The following CDC42SE2 variants were observed in gnomAD, a reference collection of about 807,000 sequenced individuals.
CDC42SE2 encodes CDC42 small effector protein 2.
In CDC42SE2, 3 loss-of-function variants were observed where a neutral mutation model predicts 11.5. That is an observed-to-expected ratio of 0.26 (90% CI 0.12 to 0.67). The LOEUF (loss-of-function observed/expected upper bound fraction) is 0.67, where lower values mean the gene tolerates loss of function less well. Ranked by LOEUF, CDC42SE2 falls within the 30% of genes least tolerant of loss-of-function variation. The probability of loss-of-function intolerance (pLI) is 0.80; values close to 1 mark genes in which losing one functional copy is unlikely to be tolerated. For missense variants in CDC42SE2, 82 were observed against 106.8 expected (o/e 0.77, Z 1.02); for synonymous variants, 33 against 34.8 (o/e 0.95, Z 0.18).
chr5:131,339,734 C>T (rs1280237797), intron 2 of CDC42SE2, among the ~76,000 whole-genome samples: 1 of 150,858 alleles, frequency 6.6e-6, no homozygotes, highest in Non-Finnish European at 1.5e-5. Context: ...TGCTTGAACC[C>T]AGGAGGTGGA....
At chr5:131,308,959 C>G (rs1401386497) in intron 1 of CDC42SE2, among the ~76,000 whole-genome samples, 1 of 149,914 alleles carries the variant, frequency 6.7e-6, no homozygotes, top group Non-Finnish European at 1.5e-5. Context: ...CCTAATTGCC[C>G]TGGCCAGAAC....
chr5:131,211,700 T>A, the CDC42SE2 span, among the ~76,000 whole-genome samples: 1 of 152,142 alleles, frequency 6.6e-6, no homozygotes, highest in Non-Finnish European at 1.5e-5. Flanking sequence ...AAAATTAAAT[T>A]GCCTGGTGCA....
chr5:131,332,539 C>A (rs978105735), intron 2 of CDC42SE2, among the ~76,000 whole-genome samples: 1 of 152,040 alleles, frequency 6.6e-6, no homozygotes, highest in East Asian at 1.9e-4. Flanking sequence ...TGAGGAATTG[C>A]CACACCAACT....
upstream of CDC42SE2, among the ~76,000 whole-genome samples, chr5:131,261,875 AG>A (rs1335576459): frequency 6.6e-6 from 1 of 151,058 alleles, no homozygotes; most frequent in Non-Finnish European, 1.5e-5. Flanking sequence ...AAAAAAAAAA[AG>A]TGTCATTCAA....
At chr5:131,213,503 C>T in the CDC42SE2 span, among the ~76,000 whole-genome samples, 36 of 152,096 alleles carry the variant, frequency 2.4e-4, no homozygotes, top group Admixed American at 4.6e-4. Flanking sequence ...GGGTGGAGTG[C>T]AGTGGCACAG....
At chr5:131,241,316 T>C (rs1379562404), upstream of CDC42SE2, among the ~76,000 whole-genome samples, 1 of 152,206 alleles carries the variant, frequency 6.6e-6, no homozygotes, top group Non-Finnish European at 1.5e-5. Flanking sequence ...CTTGGTGCTT[T>C]CTTTATAAGC....
upstream of CDC42SE2, among the ~76,000 whole-genome samples, chr5:131,242,049 A>G (rs941359237): frequency 6.6e-6 from 1 of 152,156 alleles, no homozygotes; most frequent in African/African-American, 2.4e-5. Flanking sequence ...CATTTGCCCC[A>G]CCTAATGAAA....
chr5:131,298,033 T>C (rs568373556), intron 1 of CDC42SE2, among the ~76,000 whole-genome samples: 1 of 152,276 alleles, frequency 6.6e-6, no homozygotes, highest in South Asian at 2.1e-4. Context: ...AAATCTAATT[T>C]TTTAGGAAGT....
intron 2 of CDC42SE2, among the ~76,000 whole-genome samples, chr5:131,354,150 A>G (rs1331483883): frequency 6.6e-6 from 1 of 152,056 alleles, no homozygotes; most frequent in South Asian, 2.1e-4. Flanking sequence ...TAAGGGTAGG[A>G]TGGTTTGAGT....
chr5:131,273,159 T>G (rs1757028351), intron 1 of CDC42SE2, among the ~76,000 whole-genome samples: 1 of 101,978 alleles, frequency 9.8e-6, no homozygotes, highest in African/African-American at 1.2e-4. Context: ...TTTTTTATAA[T>G]TTTTTTTTTT....
rs1391516947 is a variant in CDC42SE2 at position 131,282,050 on chromosome 5, C to T, written c.-455+17884C>T. ...TCAGGAAACTAGAAACATGTATAACCCAGGTAGTGATCTTTCAGGGAAATT... is the reference window on the plus strand; with the variant it reads ...TCAGGAAACTAGAAACATGTATAACTCAGGTAGTGATCTTTCAGGGAAATT... On this transcript the variant is annotated intron_variant, in intron 1 of 4. Coordinates refer to ENST00000505065, the MANE Select transcript of CDC42SE2 (RefSeq NM_001375635.1). Among the ~76,000 whole-genome samples the T allele has an allele frequency of 3.3e-5, 5 of 152,134 alleles. No individual in the cohort carries two copies. In the East Asian group the frequency reaches 9.6e-4, roughly 29 times the overall value.
intron 1 of CDC42SE2, among the ~76,000 whole-genome samples, chr5:131,295,522 T>C (rs1388905105): frequency 1.3e-5 from 2 of 152,164 alleles, no homozygotes; most frequent in East Asian, 1.9e-4. Context: ...TCAGAATGTG[T>C]AGAGTATGCT....
intron 1 of CDC42SE2, among the ~76,000 whole-genome samples, chr5:131,274,642 A>C (rs1205542098): frequency 6.6e-6 from 1 of 152,184 alleles, no homozygotes. Flanking sequence ...TAAAAACCAG[A>C]ATACTTAATA....
chr5:131,299,957 A>G (rs1210092448), intron 1 of CDC42SE2, among the ~76,000 whole-genome samples: 1 of 152,164 alleles, frequency 6.6e-6, no homozygotes, highest in African/African-American at 2.4e-5. Context: ...TTTGATTCGA[A>G]GAGTAAAGTT....
intron 1 of CDC42SE2, among the ~76,000 whole-genome samples, chr5:131,251,221 A>G (rs1469942542): frequency 6.6e-6 from 1 of 152,234 alleles, no homozygotes; most frequent in Non-Finnish European, 1.5e-5. Context: ...TAGAACTGAA[A>G]TGCTTTTGTA....
At chr5:131,339,500 C>A (rs760050768) in intron 2 of CDC42SE2, among the ~76,000 whole-genome samples, 1 of 151,788 alleles carries the variant, frequency 6.6e-6, no homozygotes, top group Non-Finnish European at 1.5e-5. Context: ...CCAAATAGAA[C>A]TTATTAAAAT....
chr5:131,273,158 A>ATT (rs565779371), intron 1 of CDC42SE2, among the ~76,000 whole-genome samples: 13 of 138,880 alleles, frequency 9.4e-5, no homozygotes, highest in African/African-American at 2.1e-4. Context: ...TTTTTTTATA[A>ATT]TTTTTTTTTT....
upstream of CDC42SE2, among the ~76,000 whole-genome samples, chr5:131,243,478 CG>C (rs1262875286): frequency 6.6e-6 from 1 of 152,010 alleles, no homozygotes; most frequent in Non-Finnish European, 1.5e-5. Context: ...CCCAGCTACT[CG>C]GGAGGCTAAG....
At chr5:131,253,490 C>A (rs1238988477) in intron 1 of CDC42SE2, among the ~76,000 whole-genome samples, 2 of 152,162 alleles carry the variant, frequency 1.3e-5, no homozygotes, top group African/African-American at 2.4e-5. Flanking sequence ...ACAGGCCTGG[C>A]ACAGTGACTC....
Sources: allele counts gnomAD v4.1 joint callset (sites outside exome capture counted in the v4.1 genomes callset), GRCh38; gene constraint gnomAD v4.1.1; transcripts MANE v1.5; gene names NCBI Gene and HGNC (gene_info 2026-07-23, HGNC 2026-07-21).